The following ZMIZ1 variants were observed in gnomAD, a reference collection of about 807,000 sequenced individuals.
The protein encoded by ZMIZ1 is zinc finger MIZ-type containing 1, also known as zinc finger MIZ domain-containing protein 1.
A neutral mutation model predicts 113.9 loss-of-function variants in ZMIZ1; 17 were observed. The observed-to-expected ratio is 0.15, with a 90% CI of 0.10 to 0.22. The LOEUF is 0.22. Among genes scored for constraint, ZMIZ1 ranks in the 10% least tolerant of loss-of-function variants. ZMIZ1 has a pLI of 1.00. For missense variants in ZMIZ1, 1,059 were observed against 1,477.8 expected (o/e 0.72, Z 4.65); for synonymous variants, 607 against 603.1 (o/e 1.01, Z -0.09).
chr10:79,231,064 G>A (rs1849376939), intron 7 of ZMIZ1, among the ~76,000 whole-genome samples: 1 of 152,198 alleles, frequency 6.6e-6, no homozygotes, highest in Admixed American at 6.5e-5. Flanking sequence ...AGAGTCACAT[G>A]TCCACACAGC....
chr10:79,075,533 GTGTGTGTGCACACC>G (rs1427112103), intron 1 of ZMIZ1, among the ~76,000 whole-genome samples: 1 of 149,346 alleles, frequency 6.7e-6, no homozygotes, highest in Non-Finnish European at 1.5e-5. Context: ...CCCCAGCCCT[GTGTGTGTGCACACC>G]TGCACACAGC....
chr10:79,174,623 T>C (rs896866441), intron 4 of ZMIZ1, among the ~76,000 whole-genome samples: 3 of 152,226 alleles, frequency 2.0e-5, no homozygotes, highest in African/African-American at 4.8e-5. Context: ...ATCCCCTTTG[T>C]AGCTGAGATG....
chr10:79,190,601 G>A (rs937914616), intron 4 of ZMIZ1, among the ~76,000 whole-genome samples: 13 of 152,260 alleles, frequency 8.5e-5, no homozygotes, highest in Admixed American at 7.8e-4. Flanking sequence ...TAACAGTGAA[G>A]AGCAGCTAAC....
chr10:79,231,862 G>C (rs563852683), intron 7 of ZMIZ1, among the ~76,000 whole-genome samples: 1 of 152,356 alleles, frequency 6.6e-6, no homozygotes, highest in Non-Finnish European at 1.5e-5. Flanking sequence ...ACAGGCATGA[G>C]CCACCGTGCC....
chr10:79,236,428 G>A (rs562519013), intron 7 of ZMIZ1, among the ~76,000 whole-genome samples: 1 of 152,318 alleles, frequency 6.6e-6, no homozygotes, highest in South Asian at 2.1e-4. Flanking sequence ...GGGCCATTCG[G>A]AAGCCCCCAT....
At chr10:79,140,650 A>C (rs758368828) in intron 3 of ZMIZ1, among the ~76,000 whole-genome samples, 6 of 151,740 alleles carry the variant, frequency 4.0e-5, no homozygotes, top group African/African-American at 7.3e-5. Flanking sequence ...TCCACCACCT[A>C]TCCGTCCTTC....
At chr10:79,154,552 C>T (rs1845828387) in intron 3 of ZMIZ1, among the ~76,000 whole-genome samples, 2 of 152,222 alleles carry the variant, frequency 1.3e-5, no homozygotes, top group Admixed American at 6.5e-5. Flanking sequence ...CCTGGTCTGG[C>T]CACCCCCAGC....
At chr10:79,259,825 T>C (rs2131897469) in intron 7 of ZMIZ1, among the ~76,000 whole-genome samples, 1 of 152,324 alleles carries the variant, frequency 6.6e-6, no homozygotes, top group African/African-American at 2.4e-5. Flanking sequence ...TTGGCCAAGC[T>C]GGTCTCAAAG....
chr10:79,095,179 A>C (rs570220855), intron 1 of ZMIZ1, among the ~76,000 whole-genome samples: 1 of 152,226 alleles, frequency 6.6e-6, no homozygotes, highest in South Asian at 2.1e-4. Context: ...GAAAGTGGGA[A>C]CGATTAAGGT....
chr10:79,149,415 C>T (rs1055454536), intron 3 of ZMIZ1, among the ~76,000 whole-genome samples: 4 of 152,180 alleles, frequency 2.6e-5, no homozygotes, highest in South Asian at 2.1e-4. Context: ...CTCACTGGGT[C>T]GGGCTGCCAA....
At position 79,298,455 on chromosome 10, in the gene ZMIZ1, G is replaced by A. The variant is rs1854059519; in HGVS notation, c.1541G>A (p.Gly514Glu). Reference sequence around the variant, plus strand: ...AATTACCCCCACTCACCTGTTCCAGGGAACCCCACACCCCCCATGACCCCT... The same window carrying A: ...AATTACCCCCACTCACCTGTTCCAGAGAACCCCACACCCCCCATGACCCCT... ...VANYPHSPVP[G>E]NPTPPMTPGS... is the part of the protein sequence containing the mutation. Residue 514 changes from glycine (G) to glutamate (E), a missense_variant, in exon 15 of 25, where the codon GGG (glycine) becomes GAG (glutamate). Physicochemically the swap from Gly to Glu is moderately conservative, Grantham distance 98. This residue lies in a region of ZMIZ1 where 239 missense variants were observed against 247.5 expected (regional missense o/e 0.97). Coordinates refer to ENST00000334512, the MANE Select transcript of ZMIZ1 (RefSeq NM_020338.4). The A allele has an allele frequency of 1.2e-6, 2 of 1,607,948 alleles. No individual in the cohort carries two copies. Among genetic ancestry groups the A allele is most frequent in the Non-Finnish European group, 1.7e-6 (2 of 1,177,334 alleles).
chr10:79,292,098 G>C (rs11002911), intron 10 of ZMIZ1, 60 bp from the exon 11 acceptor site: 90,564 of 1,494,206 alleles, frequency 0.061, 3,432 homozygotes, highest in African/African-American at 0.15. Flanking sequence ...CCCACAGCTT[G>C]CCCTCAGTTC....
intron 6 of ZMIZ1, among the ~76,000 whole-genome samples, chr10:79,211,920 C>A (rs1470686020): frequency 6.6e-6 from 1 of 152,236 alleles, no homozygotes; most frequent in Non-Finnish European, 1.5e-5. Flanking sequence ...GCCTCTCCTT[C>A]ATCTCCCCAA....
At chr10:79,155,587 G>T (rs368261993) in intron 3 of ZMIZ1, among the ~76,000 whole-genome samples, 8 of 152,214 alleles carry the variant, frequency 5.3e-5, no homozygotes, top group Non-Finnish European at 8.8e-5. Context: ...GAGGCAGGAC[G>T]GGCAGAAGTC....
At chr10:79,104,968 TGTG>T (rs1564652964) in intron 1 of ZMIZ1, among the ~76,000 whole-genome samples, 22 of 151,532 alleles carry the variant, frequency 1.5e-4, no homozygotes, top group Admixed American at 1.1e-3. Context: ...TGTGTGTGTG[TGTG>T]TGTGTGTGTG....
At chr10:79,274,291 G>T (rs555167963) in intron 7 of ZMIZ1, among the ~76,000 whole-genome samples, 1 of 152,350 alleles carries the variant, frequency 6.6e-6, no homozygotes, top group African/African-American at 2.4e-5. Context: ...TCTAGCAAGT[G>T]CACAGACCAA....
intron 8 of ZMIZ1, among the ~76,000 whole-genome samples, chr10:79,288,070 T>C (rs1205442219): frequency 5.3e-5 from 8 of 152,156 alleles, no homozygotes; most frequent in Non-Finnish European, 8.8e-5. Flanking sequence ...CTGAGAAATC[T>C]AGGGCAGAGG....
chr10:79,292,043 C>T (rs1853525814), intron 10 of ZMIZ1, 115 bp from the exon 11 acceptor site: 23 of 1,044,690 alleles, frequency 2.2e-5, no homozygotes, highest in South Asian at 9.0e-5. Context: ...CAAGAGGCCC[C>T]GTCCCCTCTA....
chr10:79,218,584 G>GTGTGTGTGT (rs1848831556), intron 7 of ZMIZ1, among the ~76,000 whole-genome samples: 1 of 147,792 alleles, frequency 6.8e-6, no homozygotes, highest in South Asian at 2.2e-4. Context: ...TAATTAGAGG[G>GTGTGTGTGT]GTGTGTGTGT....
Sources: gnomAD v4.1 joint callset for allele counts (sites outside exome capture counted in the v4.1 genomes callset) on GRCh38, gnomAD v4.1.1 for gene constraint, gnomAD v4.1.1 regional missense constraint, MANE v1.5 for transcripts, NCBI Gene and HGNC (gene_info 2026-07-23, HGNC 2026-07-21) for gene names.